CLIC5: variants seen among roughly 807,000 people sequenced by gnomAD.
CLIC5 encodes the protein chloride intracellular channel protein 5.
CLIC5 carries 20 observed loss-of-function variants against 24.7 expected under a neutral mutation model. That is an observed-to-expected ratio of 0.81 (90% CI 0.57 to 1.18). The LOEUF is 1.18. CLIC5 is among the 50% of genes most tolerant of loss of function. The pLI is 0.00. For missense variants in CLIC5, 341 were observed against 326.1 expected (o/e 1.05, Z -0.35); for synonymous variants, 159 against 135.6 (o/e 1.17, Z -1.20).
At chr6:46,003,149 G>C (rs2127434549) in intron 1 of CLIC5, among the ~76,000 whole-genome samples, 1 of 152,290 alleles carries the variant, frequency 6.6e-6, no homozygotes, top group East Asian at 1.9e-4. Flanking sequence ...GGAATTCAAG[G>C]AATCAGCGAA....
upstream of CLIC5, among the ~76,000 whole-genome samples, chr6:46,082,266 G>A (rs1440897648): frequency 6.6e-6 from 1 of 152,198 alleles, no homozygotes; most frequent in African/African-American, 2.4e-5. Context: ...GGCTGAGGTT[G>A]GCTAAGCTTA....
chr6:45,917,606 A>G (rs1213750905), intron 4 of CLIC5, among the ~76,000 whole-genome samples: 1 of 152,170 alleles, frequency 6.6e-6, no homozygotes, highest in Non-Finnish European at 1.5e-5. Context: ...TGAAAGGCAC[A>G]CCCATAGCAA....
At chr6:45,963,511 G>A (rs1158693848) in intron 1 of CLIC5, among the ~76,000 whole-genome samples, 1 of 151,938 alleles carries the variant, frequency 6.6e-6, no homozygotes, top group Non-Finnish European at 1.5e-5. Context: ...CCTTTTTCTG[G>A]CATTTGCCCT....
rs75865358 is a variant in CLIC5 at position 45,973,353 on chromosome 6, G to A, written c.64-18109C>T. Among the ~76,000 whole-genome samples, 726 of 152,290 alleles carry A rather than the reference G, an allele frequency of 4.8e-3. 5 individuals are homozygous for A. The highest frequency in any genetic ancestry group is 0.014 in the Middle Eastern group (4 of 294). ...CAGTGGCTTAGCAGTCTGCCTCTGTGCAACCTCTAGTTCATAGAAAGCCTG... is the reference window on the plus strand; with the variant it reads ...CAGTGGCTTAGCAGTCTGCCTCTGTACAACCTCTAGTTCATAGAAAGCCTG... On this transcript the variant is annotated intron_variant, in intron 1 of 5. Coordinates refer to ENST00000339561, the MANE Select transcript of CLIC5 (RefSeq NM_016929.5).
rs1031663441 is a variant in CLIC5, at chr6:45,900,902, G to A, written c.*2186C>T. The A allele has an allele frequency of 2.6e-5, 4 of 152,128 alleles. No homozygotes were observed. The highest frequency in any genetic ancestry group is 2.6e-4 in the Admixed American group (4 of 15,274). The allele number at this position is 152,128 out of a possible 1,614,324, so 9.4% of individuals were successfully genotyped here. A position where few individuals can be genotyped will look rare whatever the true frequency, so the allele number is the denominator to read the frequency against. On this transcript the variant is annotated 3_prime_UTR_variant, in exon 6 of 6. Coordinates refer to ENST00000339561, the MANE Select transcript of CLIC5 (RefSeq NM_016929.5). ...TTCTGAACATCCAATCCGAGTCCTT[G>A]GAATTCTGCAGACTTCTCTGGGGTG...
At chr6:46,062,650 G>A (rs912644576) in intron 1 of CLIC5, among the ~76,000 whole-genome samples, 6 of 152,168 alleles carry the variant, frequency 3.9e-5, no homozygotes, top group African/African-American at 1.4e-4. Flanking sequence ...TGAAACACAT[G>A]CTTCATGCAC....
intron 6 of CLIC5, among the ~76,000 whole-genome samples, chr6:45,891,120 T>C (rs923069132): frequency 2.6e-5 from 4 of 152,228 alleles, no homozygotes; most frequent in African/African-American, 9.6e-5. Context: ...GTGATGGATA[T>C]GCAAGTTAGC....
At chr6:45,950,768 T>C (rs1162486152) in intron 2 of CLIC5, among the ~76,000 whole-genome samples, 3 of 152,160 alleles carry the variant, frequency 2.0e-5, no homozygotes, top group Non-Finnish European at 4.4e-5. Flanking sequence ...CACCATAGTC[T>C]ACCTTTCACA....
intron 5 of CLIC5, among the ~76,000 whole-genome samples, chr6:45,908,589 T>C (rs1306970685): frequency 6.6e-6 from 1 of 152,182 alleles, no homozygotes; most frequent in Non-Finnish European, 1.5e-5. Context: ...TTTTGAGACA[T>C]CTTCTTGGTG....
chr6:46,099,356 C>CA, the CLIC5 span, among the ~76,000 whole-genome samples: 1 of 152,178 alleles, frequency 6.6e-6, no homozygotes, highest in African/African-American at 2.4e-5. Context: ...AACAGAGAAT[C>CA]AACCTCCCTT....
intron 1 of CLIC5, among the ~76,000 whole-genome samples, chr6:46,023,520 C>A (rs1203353929): frequency 1.3e-5 from 2 of 152,072 alleles, no homozygotes; most frequent in African/African-American, 4.8e-5. Context: ...AATGACTAGT[C>A]TTGGATAAGA....
chr6:46,093,304 C>T, the CLIC5 span, among the ~76,000 whole-genome samples: 7 of 152,170 alleles, frequency 4.6e-5, no homozygotes, highest in African/African-American at 1.7e-4. Flanking sequence ...ACCTTTATAT[C>T]TCCAATACAG....
At chr6:46,083,888 C>A (rs1475660286), upstream of CLIC5, among the ~76,000 whole-genome samples, 2 of 151,992 alleles carry the variant, frequency 1.3e-5, no homozygotes, top group African/African-American at 4.8e-5. Context: ...TAAAGTCTCC[C>A]ATTATTATTG....
chr6:45,958,444 AT>A, intron 1 of CLIC5, among the ~76,000 whole-genome samples: 2 of 76,574 alleles, frequency 2.6e-5, no homozygotes, highest in East Asian at 8.0e-4. Context: ...ATATATATAT[AT>A]ATATATATAT....
the CLIC5 span, among the ~76,000 whole-genome samples, chr6:46,115,978 T>G: frequency 6.6e-6 from 1 of 152,362 alleles, no homozygotes; most frequent in Non-Finnish European, 1.5e-5. Flanking sequence ...TTGGATATAA[T>G]TATAAAAACT....
chr6:45,997,671 A>T (rs888749836), intron 1 of CLIC5, among the ~76,000 whole-genome samples: 4 of 152,166 alleles, frequency 2.6e-5, no homozygotes, highest in African/African-American at 7.2e-5. Flanking sequence ...AAATACAAAC[A>T]TATGAATAGT....
chr6:46,064,798 A>G (rs1030782481), intron 1 of CLIC5, among the ~76,000 whole-genome samples: 1 of 152,148 alleles, frequency 6.6e-6, no homozygotes, highest in Non-Finnish European at 1.5e-5. Context: ...TACAAAATAA[A>G]CTTGAAGTGG....
chr6:46,039,343 T>C (rs1267175177), intron 1 of CLIC5, among the ~76,000 whole-genome samples: 2 of 151,740 alleles, frequency 1.3e-5, no homozygotes, highest in Non-Finnish European at 2.9e-5. Flanking sequence ...GTGGAGACAA[T>C]AGATATTTCC....
chr6:46,024,622 T>A (rs1581875561), intron 1 of CLIC5, among the ~76,000 whole-genome samples: 1 of 152,194 alleles, frequency 6.6e-6, no homozygotes, highest in African/African-American at 2.4e-5. Flanking sequence ...CCACTAGATT[T>A]TCCTGTCCTA....
Sources: gnomAD v4.1 joint callset for allele counts (sites outside exome capture counted in the v4.1 genomes callset) on GRCh38, gnomAD v4.1.1 for gene constraint, MANE v1.5 for transcripts, NCBI Gene and HGNC (gene_info 2026-07-23, HGNC 2026-07-21) for gene names.